The following MEOX2 variants were observed in gnomAD, a reference collection of about 807,000 sequenced individuals.
MEOX2 encodes homeobox protein MOX-2.
Under a neutral mutation model 27.0 loss-of-function variants are expected in MEOX2, and 11 were observed. The observed-to-expected ratio is 0.41, with a 90% CI of 0.26 to 0.68. MEOX2 has a LOEUF of 0.68. Ranked by LOEUF, MEOX2 falls within the 30% of genes least tolerant of loss-of-function variation. The pLI, the probability that MEOX2 is intolerant of heterozygous loss-of-function variation, is 0.33. For missense variants in MEOX2, 436 were observed against 385.4 expected (o/e 1.13, Z -1.10); for synonymous variants, 189 against 155.4 (o/e 1.22, Z -1.61).
intron 1 of MEOX2, among the ~76,000 whole-genome samples, chr7:15,666,922 C>T (rs997936444): frequency 1.3e-5 from 2 of 150,338 alleles, no homozygotes; most frequent in Non-Finnish European, 3.0e-5. Flanking sequence ...TTGACAAGGT[C>T]CCTTATGTTT....
intron 1 of MEOX2, among the ~76,000 whole-genome samples, chr7:15,630,790 A>G (rs1434751539): frequency 1.3e-5 from 2 of 152,022 alleles, no homozygotes; most frequent in Admixed American, 6.6e-5. Context: ...AAATCATTCT[A>G]TTGGTGCTAG....
intron 1 of MEOX2, among the ~76,000 whole-genome samples, chr7:15,666,076 C>G (rs1291317141): frequency 6.6e-6 from 1 of 152,068 alleles, no homozygotes; most frequent in Non-Finnish European, 1.5e-5. Context: ...GTATTAACAG[C>G]TCTCAAGATA....
intron 1 of MEOX2, among the ~76,000 whole-genome samples, chr7:15,675,756 A>G (rs965821018): frequency 6.6e-6 from 1 of 152,230 alleles, no homozygotes; most frequent in African/African-American, 2.4e-5. Context: ...CTCTAAAATC[A>G]AAGAGTCAAC....
chr7:15,676,839 C>A (rs11767931), intron 1 of MEOX2, among the ~76,000 whole-genome samples: 6,631 of 149,118 alleles, frequency 0.044, 162 homozygotes, highest in African/African-American at 0.065. Context: ...GCCTGGGCAA[C>A]AGAACAAAAC....
At chr7:15,677,859 T>C (rs970366861) in intron 1 of MEOX2, among the ~76,000 whole-genome samples, 4 of 152,356 alleles carry the variant, frequency 2.6e-5, no homozygotes, top group African/African-American at 9.6e-5. Context: ...AAATCTTTTA[T>C]GATTTATCAA....
chr7:15,659,709 G>A (rs936893881), intron 1 of MEOX2, among the ~76,000 whole-genome samples: 3 of 139,846 alleles, frequency 2.1e-5, no homozygotes, highest in African/African-American at 5.5e-5. Context: ...GTAGTGAGCC[G>A]AGATCGCGTC....
intron 1 of MEOX2, chr7:15,679,700 G>A (rs970560562): frequency 6.6e-6 from 1 of 151,726 alleles, no homozygotes; most frequent in Non-Finnish European, 1.5e-5. Context: ...TTAAATAAAT[G>A]GAAATTTTAA....
chr7:15,668,843 C>T (rs889890969), intron 1 of MEOX2, among the ~76,000 whole-genome samples: 1 of 152,036 alleles, frequency 6.6e-6, no homozygotes, highest in African/African-American at 2.4e-5. Context: ...GATCTGCACC[C>T]CTAACTTCCA....
chr7:15,621,117 C>T (rs936810267), intron 2 of MEOX2, among the ~76,000 whole-genome samples: 1 of 152,112 alleles, frequency 6.6e-6, no homozygotes, highest in South Asian at 2.1e-4. Flanking sequence ...ACTGGAGAGC[C>T]TTTAGACTGA....
At chr7:15,671,973 A>G (rs1782105489) in intron 1 of MEOX2, among the ~76,000 whole-genome samples, 1 of 151,986 alleles carries the variant, frequency 6.6e-6, no homozygotes, top group Admixed American at 6.6e-5. Context: ...CATGCCTGTG[A>G]TCCCAGCTGC....
At chr7:15,658,655 G>T (rs1349623091) in intron 1 of MEOX2, among the ~76,000 whole-genome samples, 2 of 152,148 alleles carry the variant, frequency 1.3e-5, no homozygotes, top group African/African-American at 4.8e-5. Context: ...TTGAGTTGGG[G>T]CTTTTGGGAG....
chr7:15,675,432 C>G (rs1311584183), intron 1 of MEOX2, among the ~76,000 whole-genome samples: 3 of 152,056 alleles, frequency 2.0e-5, no homozygotes, highest in South Asian at 4.1e-4. Flanking sequence ...AAGCAGTAGT[C>G]AACATTTTAA....
chr7:15,674,556 C>CTGTGTG (rs55995772), intron 1 of MEOX2, among the ~76,000 whole-genome samples: 12 of 135,558 alleles, frequency 8.9e-5, no homozygotes, highest in East Asian at 2.0e-4. Flanking sequence ...ATAAAAGATT[C>CTGTGTG]TGTGTGTGTG....
chr7:15,675,112 C>A lies in MEOX2; in HGVS notation c.517+10774G>T, dbSNP rs79382410. On this transcript the variant is annotated intron_variant, in intron 1 of 2. Transcript: ENST00000262041. Reference sequence around the variant, plus strand: ...AAATGTTAAATTTTTAAACAAAAAACAGATACTTCAATTCACAAATAACTG... The same window carrying A: ...AAATGTTAAATTTTTAAACAAAAAAAAGATACTTCAATTCACAAATAACTG... 3.3e-3 allele frequency among the ~76,000 whole-genome samples: 507 copies of A among 152,164 alleles called. 1 individual carries two copies. Among genetic ancestry groups the A allele is most frequent in the African/African-American group, 0.011 (454 of 41,520 alleles).
At position 15,626,853 on chromosome 7, in the gene MEOX2, T is replaced by C; in HGVS notation, c.583A>G (p.Thr195Ala). 1.2e-6 allele frequency: 2 copies of C among 1,612,224 alleles called. No homozygotes were observed. The highest frequency in any genetic ancestry group is 8.5e-7 in the Non-Finnish European group (1 of 1,179,372). The stretch of plus-strand genomic sequence containing the variant: ...TCAAGTTCTCTGATTTGCTCTTTGG[T>C]AAATGCTGTCCTTTCTTTCCTGGGT... Reference protein sequence around the residue: ...SKPRKERTAFTKEQIRELEAE... With the variant: ...SKPRKERTAFAKEQIRELEAE... Residue 195 changes from threonine (T) to alanine (A), a missense_variant, in exon 2 of 3, where the codon ACC (threonine) becomes GCC (alanine). Coordinates refer to ENST00000262041, the MANE Select transcript of MEOX2 (RefSeq NM_005924.5).
At chr7:15,652,854 C>G (rs373934240) in intron 1 of MEOX2, among the ~76,000 whole-genome samples, 1 of 151,970 alleles carries the variant, frequency 6.6e-6, no homozygotes, top group South Asian at 2.1e-4. Flanking sequence ...TATGGATGTA[C>G]CACTGTTTGT....
chr7:15,633,081 C>G (rs1781426368), intron 1 of MEOX2, among the ~76,000 whole-genome samples: 1 of 151,882 alleles, frequency 6.6e-6, no homozygotes, highest in Admixed American at 6.6e-5. Context: ...TTGTTCCTTT[C>G]TTACAATGCT....
intron 1 of MEOX2, among the ~76,000 whole-genome samples, chr7:15,628,127 C>T (rs1298370019): frequency 6.6e-6 from 1 of 151,882 alleles, no homozygotes; most frequent in Middle Eastern, 3.4e-3. Context: ...TAAGGCATGG[C>T]TTATGCAGGA....
chr7:15,684,579 G>C (rs979840230), intron 1 of MEOX2, among the ~76,000 whole-genome samples: 15 of 152,190 alleles, frequency 9.9e-5, no homozygotes, highest in African/African-American at 3.6e-4. Flanking sequence ...TGATATTGCT[G>C]TGAATGGTGA....
Sources: gnomAD v4.1 joint callset for allele counts (sites outside exome capture counted in the v4.1 genomes callset) on GRCh38, gnomAD v4.1.1 for gene constraint, MANE v1.5 for transcripts, NCBI Gene and HGNC (gene_info 2026-07-23, HGNC 2026-07-21) for gene names.